The following KCTD5 variants were observed in gnomAD, a reference collection of about 807,000 sequenced individuals.
The protein encoded by KCTD5 is BTB/POZ domain-containing protein KCTD5.
KCTD5 carries 12 observed loss-of-function variants against 27.9 expected under a neutral mutation model. The observed-to-expected ratio is 0.43, with a 90% CI of 0.28 to 0.70. The LOEUF is 0.70. Ranked by LOEUF, KCTD5 falls within the 30% of genes least tolerant of loss-of-function variation. KCTD5 has a pLI of 0.19. For synonymous variants in KCTD5, 147 were observed against 121.4 expected (o/e 1.21, Z -1.39); for missense variants, 226 against 274.8 (o/e 0.82, Z 1.26).
intron 1 of KCTD5, among the ~76,000 whole-genome samples, chr16:2,688,228 A>AATAAATAAATATAT (rs1555454256): frequency 6.9e-4 from 58 of 84,570 alleles, no homozygotes; most frequent in African/African-American, 2.3e-3. Context: ...TAAATAAATA[A>AATAAATAAATATAT]ATATATATAT....
rs899089207 is a variant in KCTD5, at chr16:2,707,824, C to T, written c.*497C>T. 3 of 229,020 alleles carry T rather than the reference C, an allele frequency of 1.3e-5. No homozygotes were observed. Among genetic ancestry groups the T allele is most frequent in the Non-Finnish European group, 1.7e-5 (2 of 117,916 alleles). The allele number at this position is 229,020 out of a possible 1,614,324, so 14.2% of individuals were successfully genotyped here. A position where few individuals can be genotyped will look rare whatever the true frequency, so the allele number is the denominator to read the frequency against. ...CCCAGGCGGGATCGCTGGTTTCTCT[C>T]GACCTCGCAGAGCTCCTGACAAAGG... On this transcript the variant is annotated 3_prime_UTR_variant, in exon 6 of 6. Transcript: ENST00000301738.
At position 2,706,392 on chromosome 16, in the gene KCTD5, G is replaced by A. The variant is rs1054269180; in HGVS notation, c.676-906G>A. Among the ~76,000 whole-genome samples, 12 of 152,296 alleles carry A rather than the reference G, an allele frequency of 7.9e-5. No individual in the cohort carries two copies. In the South Asian group the frequency reaches 1.9e-3, roughly 24 times the overall value. ...CTACCTGGTGTTGGGCAGCCCTCAC[G>A]TGACACATGGAGACAGCTGTTGTGG... On this transcript the variant is annotated intron_variant, in intron 5 of 5. Coordinates refer to ENST00000301738, the MANE Select transcript of KCTD5 (RefSeq NM_018992.4).
At position 2,682,664 on chromosome 16, in the gene KCTD5, C is replaced by T; in HGVS notation, c.116C>T (p.Pro39Leu). Residue 39 changes from proline (P) to leucine (L), a missense_variant, in exon 1 of 6, where the codon CCT (proline) becomes CTT (leucine). This residue lies in a region of KCTD5 where 91 missense variants were observed against 67.8 expected (regional missense o/e 1.34). Transcript: ENST00000301738. ...GGGCTCGGCGCCCTGGCCCAGCGCC[C>T]TGGCAGCGTGTCCAAGTGGGTCCGA... ...SAGLGALAQR[P>L]GSVSKWVRLN... The T allele has an allele frequency of 1.2e-6, 2 of 1,604,462 alleles. No individual in the cohort carries two copies. The highest frequency in any genetic ancestry group is 1.7e-6 in the Non-Finnish European group (2 of 1,176,698).
intron 5 of KCTD5, among the ~76,000 whole-genome samples, chr16:2,705,111 C>T (rs2067629678): frequency 6.6e-6 from 1 of 152,212 alleles, no homozygotes; most frequent in African/African-American, 2.4e-5. Context: ...GTCTTCTCCC[C>T]CACTGCGCGC....
intron 3 of KCTD5, among the ~76,000 whole-genome samples, chr16:2,698,208 C>A (rs779633154): frequency 6.6e-6 from 1 of 152,252 alleles, no homozygotes; most frequent in African/African-American, 2.4e-5. Context: ...TCATCCTGCC[C>A]GGCCCAGACT....
chr16:2,698,599 C>G (rs1012226336), intron 3 of KCTD5, among the ~76,000 whole-genome samples: 3 of 152,122 alleles, frequency 2.0e-5, no homozygotes, highest in African/African-American at 4.8e-5. Flanking sequence ...GCCCGCCCCC[C>G]CCACCCAAGC....
intron 1 of KCTD5, 63 bp downstream of exon 1, chr16:2,682,863 GC>G: frequency 6.7e-7 from 1 of 1,500,302 alleles, no homozygotes; most frequent in Non-Finnish European, 8.8e-7. Context: ...TCCTGCACAC[GC>G]CCTGCTTCGT....
At chr16:2,687,449 C>T (rs879644835) in intron 1 of KCTD5, among the ~76,000 whole-genome samples, 19 of 152,210 alleles carry the variant, frequency 1.2e-4, no homozygotes, top group Admixed American at 4.6e-4. Context: ...CAGTGGCTGT[C>T]GTCCAGCAGG....
Position 2,682,779 on chromosome 16 carries a change from T to C in KCTD5, c.231T>C (p.Asp77=), listed in dbSNP as rs770551693. The C allele has an allele frequency of 1.2e-6, 2 of 1,600,770 alleles. No homozygotes were observed. The highest frequency in any genetic ancestry group is 2.2e-5 in the South Asian group (2 of 89,380). Reference sequence around the variant, plus strand: ...TCCTGTACCGCTTATGCCAGGCCGATCCCGACCTGGACTCAGACAAGGTGA... The same window carrying C: ...TCCTGTACCGCTTATGCCAGGCCGACCCCGACCTGGACTCAGACAAGGTGA... The part of the protein sequence containing the change: ...KSFLYRLCQA[D]PDLDSDKDET... Residue 77 remains aspartate (D), a synonymous_variant, in exon 1 of 6, where the codon GAT becomes GAC. Coordinates refer to ENST00000301738, the MANE Select transcript of KCTD5 (RefSeq NM_018992.4).
rs1387673485 is a variant in KCTD5, at chr16:2,708,291, A to G, written c.*964A>G. The G allele has an allele frequency of 2.0e-5, 3 of 152,650 alleles. No individual in the cohort carries two copies. Among genetic ancestry groups the G allele is most frequent in the African/African-American group, 7.2e-5 (3 of 41,444 alleles). The allele number at this position is 152,650 out of a possible 1,614,324, so 9.5% of individuals were successfully genotyped here. A position where few individuals can be genotyped will look rare whatever the true frequency, so the allele number is the denominator to read the frequency against. The stretch of plus-strand genomic sequence containing the variant: ...CGCCGCTCTCTCATTTTCTTTGTAT[A>G]ACTATGCAGCCTTCCCTCTCTTTCT... On this transcript the variant is annotated 3_prime_UTR_variant, in exon 6 of 6. Transcript: ENST00000301738.
intron 1 of KCTD5, chr16:2,684,218 A>T (rs898343553): frequency 6.6e-6 from 1 of 152,056 alleles, no homozygotes; most frequent in Admixed American, 6.5e-5. Context: ...ATTAGAGTTT[A>T]AATTGCTCTT....
chr16:2,697,572 C>T (rs977019549), intron 2 of KCTD5, among the ~76,000 whole-genome samples: 8 of 152,242 alleles, frequency 5.3e-5, no homozygotes, highest in East Asian at 3.9e-4. Context: ...ACCATGGCCT[C>T]GGCGTAGACA....
At chr16:2,704,854 C>T (rs545841908) in intron 5 of KCTD5, among the ~76,000 whole-genome samples, 66 of 152,326 alleles carry the variant, frequency 4.3e-4, no homozygotes, top group Non-Finnish European at 7.1e-4. Flanking sequence ...GGGCTAGCGC[C>T]GCCTGCCAGG....
rs1405844287 is a variant in KCTD5, at chr16:2,708,873, G to T, written c.*1546G>T. 2.0e-5 allele frequency: 3 copies of T among 152,192 alleles called. No individual in the cohort carries two copies. Among genetic ancestry groups the T allele is most frequent in the East Asian group, 1.9e-4 (1 of 5,180 alleles). The allele number at this position is 152,192 out of a possible 1,614,324, so 9.4% of individuals were successfully genotyped here. On this transcript the variant is annotated 3_prime_UTR_variant, in exon 6 of 6. Coordinates refer to ENST00000301738, the MANE Select transcript of KCTD5 (RefSeq NM_018992.4). ...CCTTGACATAGTAGATAGGCTTGTG[G>T]TTTTTTTAATTTAAAGATATTAAGA...
At position 2,682,679 on chromosome 16, in the gene KCTD5, A is replaced by C; in HGVS notation, c.131A>C (p.Lys44Thr). The change falls in exon 1 of 6, where the codon AAG (lysine) becomes ACG (threonine). Residue 44 changes from lysine to threonine, a missense_variant. Physicochemically the swap from Lys to Thr is moderately conservative, Grantham distance 78 (BLOSUM62 -1). This residue lies in a region of KCTD5 where 91 missense variants were observed against 67.8 expected (regional missense o/e 1.34). Coordinates refer to ENST00000301738, the MANE Select transcript of KCTD5 (RefSeq NM_018992.4). ...ALAQRPGSVSKWVRLNVGGTY... is the reference protein window; with the variant it reads ...ALAQRPGSVSTWVRLNVGGTY... ...GCCCAGCGCCCTGGCAGCGTGTCCA[A>C]GTGGGTCCGACTCAACGTCGGCGGC... is the stretch of plus-strand genomic sequence containing the variant. 1.2e-6 allele frequency: 2 copies of C among 1,608,384 alleles called. No homozygotes were observed. The highest frequency in any genetic ancestry group is 1.7e-6 in the Non-Finnish European group (2 of 1,178,202).
At chr16:2,706,191 G>T (rs2067635012) in intron 5 of KCTD5, among the ~76,000 whole-genome samples, 1 of 152,234 alleles carries the variant, frequency 6.6e-6, no homozygotes, top group Non-Finnish European at 1.5e-5. Context: ...CGGCAGAGCT[G>T]TTGGGGGGTG....
intron 1 of KCTD5, among the ~76,000 whole-genome samples, chr16:2,688,337 G>A (rs1045884207): frequency 6.6e-6 from 1 of 151,170 alleles, no homozygotes. Flanking sequence ...TGCAACCTCT[G>A]CCTCCTGGGT....
chr16:2,697,861 G>A, intron 2 of KCTD5, 45 bp from the exon 3 acceptor site: 1 of 1,393,132 alleles, frequency 7.2e-7, no homozygotes, highest in South Asian at 1.2e-5. Context: ...GGATTCTTTG[G>A]TTTAGTTTGG....
chr16:2,706,845 G>A (rs2067638722), intron 5 of KCTD5, among the ~76,000 whole-genome samples: 1 of 151,642 alleles, frequency 6.6e-6, no homozygotes, highest in Non-Finnish European at 1.5e-5. Context: ...CTGAGGTGCA[G>A]GGCCGAGGGC....
Sources: allele counts gnomAD v4.1 joint callset (sites outside exome capture counted in the v4.1 genomes callset), GRCh38; gene constraint gnomAD v4.1.1; regional missense constraint gnomAD v4.1.1; transcripts MANE v1.5; gene names NCBI Gene and HGNC (gene_info 2026-07-23, HGNC 2026-07-21).